SEMA3A: variants seen among roughly 807,000 people sequenced by gnomAD.
SEMA3A encodes the protein semaphorin 3A.
In SEMA3A, 29 loss-of-function variants were observed where a neutral mutation model predicts 97.9. The ratio of observed to expected loss-of-function variants is 0.30; its 90% CI spans 0.22 to 0.40. SEMA3A has a LOEUF of 0.40. SEMA3A is among the 10% of genes least tolerant of loss of function. SEMA3A has a pLI of 1.00. For synonymous variants in SEMA3A, 321 were observed against 323.7 expected, an observed-to-expected ratio of 0.99 and a Z score of 0.09; for missense variants, 763 against 951.3, an observed-to-expected ratio of 0.80 and a Z score of 2.60.
intron 3 of SEMA3A, among the ~76,000 whole-genome samples, chr7:84,213,471 G>C (rs1798679851): frequency 6.6e-6 from 1 of 152,068 alleles, no homozygotes; most frequent in Admixed American, 6.5e-5. Flanking sequence ...GTTTTTTATA[G>C]ATGAGGTCTC....
chr7:84,203,442 A>G (rs2116301826), intron 3 of SEMA3A, among the ~76,000 whole-genome samples: 1 of 143,658 alleles, frequency 7.0e-6, no homozygotes, highest in East Asian at 2.1e-4. Context: ...TAATTAAAAT[A>G]TTATGTTCAG....
chr7:84,076,579 T>C (rs535148015), intron 4 of SEMA3A, among the ~76,000 whole-genome samples: 147 of 152,262 alleles, frequency 9.7e-4, no homozygotes, highest in Middle Eastern at 3.4e-3. Context: ...CAAGCATATA[T>C]TAGATCCCGA....
At chr7:84,242,958 T>TA (rs1251220703) in intron 3 of SEMA3A, among the ~76,000 whole-genome samples, 1 of 152,174 alleles carries the variant, frequency 6.6e-6, no homozygotes, top group African/African-American at 2.4e-5. Flanking sequence ...ATTATGTTTA[T>TA]TGATTTGTGT....
upstream of SEMA3A, among the ~76,000 whole-genome samples, chr7:84,197,534 C>G (rs1474980658): frequency 6.6e-6 from 1 of 152,000 alleles, no homozygotes; most frequent in African/African-American, 2.4e-5. Flanking sequence ...TTCGACTTTG[C>G]TCAGAGTTGA....
At chr7:84,406,650 C>T (rs989975866) in intron 1 of SEMA3A, among the ~76,000 whole-genome samples, 3 of 152,090 alleles carry the variant, frequency 2.0e-5, no homozygotes, top group Non-Finnish European at 4.4e-5. Flanking sequence ...CAAAAATCCT[C>T]AATAAAATAC....
intron 3 of SEMA3A, among the ~76,000 whole-genome samples, chr7:84,227,107 T>G (rs972867138): frequency 1.3e-5 from 2 of 151,922 alleles, no homozygotes; most frequent in Non-Finnish European, 2.9e-5. Context: ...AAAACCAGTT[T>G]TCTCTATTGG....
rs369186560 is a variant in SEMA3A, at chr7:83,986,250, G to A, written c.1453-773C>T. On this transcript the variant is annotated intron_variant, in intron 12 of 16. Transcript: ENST00000265362. ...GACAAGGACTACAAGAGCTCAGGTGGGATGAGATTACTTCATTATTATGAA... is the reference window on the plus strand; with the variant it reads ...GACAAGGACTACAAGAGCTCAGGTGAGATGAGATTACTTCATTATTATGAA... Among the ~76,000 whole-genome samples the A allele has an allele frequency of 1.3e-4, 20 of 152,166 alleles. 1 individual carries two copies. The highest frequency in any genetic ancestry group is 4.6e-4 in the African/African-American group (19 of 41,530).
rs1355754943 is a variant in SEMA3A at position 84,001,965 on chromosome 7, G to A, written c.1442C>T (p.Thr481Ile). The A allele has an allele frequency of 6.2e-7, 1 of 1,610,866 alleles. No individual in the cohort carries two copies. Among genetic ancestry groups the A allele is most frequent in the East Asian group, 2.2e-5 (1 of 44,768 alleles). Reference protein sequence around the residue: ...DLEEVLLEEMTVFREPTAISA... With the variant: ...DLEEVLLEEMIVFREPTAISA... ...TTAAGCAGCACTCACCCGAAAAACT[G>A]TCATTTCTTCCAGCAGAACCTCTTC... Residue 481 changes from threonine (T) to isoleucine (I), a missense_variant, in exon 12 of 17, where the codon ACA becomes ATA. Around this residue, in one of 2 missense-constraint regions of SEMA3A, gnomAD observed 678 missense variants for 881.3 expected, o/e 0.77. Coordinates refer to ENST00000265362, the MANE Select transcript of SEMA3A (RefSeq NM_006080.3).
chr7:84,446,169 G>T (rs940459162), intron 1 of SEMA3A, among the ~76,000 whole-genome samples: 10 of 152,082 alleles, frequency 6.6e-5, no homozygotes, highest in African/African-American at 2.4e-4. Flanking sequence ...ATAGAAATTT[G>T]AATACAACAA....
intron 1 of SEMA3A, among the ~76,000 whole-genome samples, chr7:84,414,394 T>TAAA (rs34408044): frequency 8.9e-6 from 1 of 112,252 alleles, no homozygotes; most frequent in African/African-American, 3.3e-5. Flanking sequence ...TGGCTAAAAG[T>TAAA]AAAAAAAAAA....
chr7:84,313,911 C>T (rs1801430871), intron 2 of SEMA3A, among the ~76,000 whole-genome samples: 1 of 151,980 alleles, frequency 6.6e-6, no homozygotes, highest in African/African-American at 2.4e-5. Context: ...TCATTCTTTA[C>T]ATTATCTGAT....
At chr7:83,984,054 T>A (rs1789530250) in intron 13 of SEMA3A, among the ~76,000 whole-genome samples, 1 of 152,166 alleles carries the variant, frequency 6.6e-6, no homozygotes, top group Non-Finnish European at 1.5e-5. Context: ...TAGATTGTTT[T>A]TCTTTGTCAG....
rs573425894 is a variant in SEMA3A, at chr7:84,243,278, C to T, written c.-82-48610G>A. ...ATTCGGCTGTGAATCTGTCTGGTCC[C>T]GGGAATTTTTGTTGGTAGGCTATTA... On this transcript the variant is annotated intron_variant, in intron 3 of 3. Transcript: ENST00000424555. Among the ~76,000 whole-genome samples the T allele has an allele frequency of 4.0e-4, 61 of 151,442 alleles. 1 individual carries two copies. In the South Asian group the frequency reaches 8.1e-3, roughly 20 times the overall value.
At chr7:84,054,957 C>G (rs1792884626) in intron 5 of SEMA3A, among the ~76,000 whole-genome samples, 1 of 152,016 alleles carries the variant, frequency 6.6e-6, no homozygotes, top group Non-Finnish European at 1.5e-5. Context: ...GTTGGAGTAC[C>G]CTGCCATGTG....
At chr7:83,991,697 T>C (rs972058521) in intron 12 of SEMA3A, among the ~76,000 whole-genome samples, 32 of 151,596 alleles carry the variant, frequency 2.1e-4, no homozygotes, top group Non-Finnish European at 4.3e-4. Flanking sequence ...ATAAGCTTTT[T>C]GATGTGCTGC....
chr7:84,462,836 T>C lies in SEMA3A; in HGVS notation c.-246+29624A>G, dbSNP rs576203545. Reference sequence around the variant, plus strand: ...ATAGATAGACAGACAGATAGATAGATAGATAGATAGCAGTTGTTCATCTCA... The same window carrying C: ...ATAGATAGACAGACAGATAGATAGACAGATAGATAGCAGTTGTTCATCTCA... On this transcript the variant is annotated intron_variant, in intron 1 of 3. Coordinates refer to the SEMA3A transcript ENST00000424555. Among the ~76,000 whole-genome samples the C allele has an allele frequency of 3.9e-5, 6 of 152,244 alleles. No individual in the cohort carries two copies. In the East Asian group the frequency reaches 5.8e-4, roughly 15 times the overall value.
chr7:84,298,993 CT>C (rs1399789984), intron 3 of SEMA3A, among the ~76,000 whole-genome samples: 1 of 152,058 alleles, frequency 6.6e-6, no homozygotes, highest in Non-Finnish European at 1.5e-5. Flanking sequence ...ACTCCAAGTT[CT>C]TCAGCTTTTG....
chr7:84,460,628 T>G (rs1805810712), intron 1 of SEMA3A, among the ~76,000 whole-genome samples: 1 of 152,234 alleles, frequency 6.6e-6, no homozygotes, highest in East Asian at 1.9e-4. Flanking sequence ...GTCCACTGAT[T>G]GTCCATAACC....
chr7:84,106,867 T>C (rs557975608), intron 4 of SEMA3A, among the ~76,000 whole-genome samples: 1 of 152,298 alleles, frequency 6.6e-6, no homozygotes, highest in African/African-American at 2.4e-5. Context: ...TAAATGTCCA[T>C]GAAAGTCTTA....
Sources: allele counts gnomAD v4.1 joint callset (sites outside exome capture counted in the v4.1 genomes callset), GRCh38; gene constraint gnomAD v4.1.1; regional missense constraint gnomAD v4.1.1; transcripts MANE v1.5; gene names NCBI Gene and HGNC (gene_info 2026-07-23, HGNC 2026-07-21).